The following ZNF277 variants were observed in gnomAD, a reference collection of about 807,000 sequenced individuals.
The protein encoded by ZNF277 is zinc finger protein 277.
In ZNF277, 55 loss-of-function variants were observed where a neutral mutation model predicts 60.7. That is an observed-to-expected ratio of 0.91 (90% CI 0.73 to 1.13). The LOEUF is 1.13. Ranked by LOEUF, ZNF277 falls within the 50% of genes most tolerant of loss-of-function variation. The pLI, the probability that ZNF277 is intolerant of heterozygous loss-of-function variation, is 0.00. For missense variants in ZNF277, 510 were observed against 523.0 expected (o/e 0.98, Z 0.24); for synonymous variants, 178 against 179.3 (o/e 0.99, Z 0.06).
chr7:112,286,729 C>T (rs1378273920), intron 1 of ZNF277, 144 bp from the exon 2 acceptor site: 22 of 695,472 alleles, frequency 3.2e-5, no homozygotes, highest in Admixed American at 1.2e-4. Flanking sequence ...ATCCTACTCT[C>T]CAGCACTATG....
At chr7:112,295,596 C>A (rs1295553051) in intron 2 of ZNF277, among the ~76,000 whole-genome samples, 1 of 152,012 alleles carries the variant, frequency 6.6e-6, no homozygotes, top group Non-Finnish European at 1.5e-5. Flanking sequence ...TTCATTTTAA[C>A]TTTCCTATAT....
intron 5 of ZNF277, among the ~76,000 whole-genome samples, chr7:112,322,361 GT>G (rs1247041322): frequency 6.6e-6 from 1 of 150,724 alleles, no homozygotes; most frequent in African/African-American, 2.4e-5. Context: ...TTTTTGTTTT[GT>G]TTTTTTCTTC....
chr7:112,341,995 T>G (rs1793454616), intron 11 of ZNF277, among the ~76,000 whole-genome samples: 1 of 152,208 alleles, frequency 6.6e-6, no homozygotes, highest in African/African-American at 2.4e-5. Flanking sequence ...ATTCCGTAAG[T>G]GTTTCCTTTT....
Position 112,308,530 on chromosome 7 carries a change from A to G in ZNF277, c.466-9652A>G, listed in dbSNP as rs1002069684. Among the ~76,000 whole-genome samples, 18 of 151,772 alleles carry G rather than the reference A, an allele frequency of 1.2e-4. 1 individual carries two copies. In the South Asian group the frequency reaches 3.5e-3, roughly 30 times the overall value. Reference sequence around the variant, plus strand: ...AGATTATGTCTTAAAAAAAAATTGAAAAAATTATGATCATGATATATATGA... The same window carrying G: ...AGATTATGTCTTAAAAAAAAATTGAGAAAATTATGATCATGATATATATGA... On this transcript the variant is annotated intron_variant, in intron 4 of 11. Coordinates refer to ENST00000361822, the MANE Select transcript of ZNF277 (RefSeq NM_021994.3).
At chr7:112,300,138 A>G (rs944490351) in intron 4 of ZNF277, among the ~76,000 whole-genome samples, 1 of 152,202 alleles carries the variant, frequency 6.6e-6, no homozygotes, top group Non-Finnish European at 1.5e-5. Flanking sequence ...TAGAGTTTAA[A>G]TGATTCACTG....
chr7:112,343,800 C>T lies in ZNF277; in HGVS notation c.*1071C>T, dbSNP rs1209426195. ...GATTAGCCAGGCATGGTGGAATGCA[C>T]CTATAGTCCCAGCTACTTGGGAGGC... is the stretch of plus-strand genomic sequence containing the variant. On this transcript the variant is annotated 3_prime_UTR_variant, in exon 12 of 12. Coordinates refer to ENST00000361822, the MANE Select transcript of ZNF277 (RefSeq NM_021994.3). Among the ~76,000 whole-genome samples the T allele has an allele frequency of 2.0e-5, 3 of 151,866 alleles. No homozygotes were observed. The highest frequency in any genetic ancestry group is 7.3e-5 in the African/African-American group (3 of 41,318).
intron 1 of ZNF277, among the ~76,000 whole-genome samples, chr7:112,276,637 T>C (rs184948500): frequency 5.4e-4 from 82 of 152,304 alleles, no homozygotes; most frequent in African/African-American, 1.8e-3. Flanking sequence ...CCCACTCCTA[T>C]TAATTATAGT....
rs1230530983 is a variant in ZNF277, at chr7:112,342,676, T to C, written c.1300T>C (p.Ser434Pro). The change falls in exon 12 of 12, where the codon TCT (serine) becomes CCT (proline). Residue 434 changes from serine to proline, a missense_variant. Coordinates refer to ENST00000361822, the MANE Select transcript of ZNF277 (RefSeq NM_021994.3). ...ENVPIISEDT[S>P]KLYALKQSSI... ...TGTTCCCATCATCAGTGAAGATACA[T>C]CTAAACTGTATGCTTTGAAACAAAG... is the stretch of plus-strand genomic sequence containing the variant. 6.2e-7 allele frequency: 1 copy of C among 1,611,626 alleles called. No individual in the cohort carries two copies.
In ZNF277 at chr7:112,240,341, T is replaced by A. The variant is rs566854322; in HGVS notation, c.91+33534T>A. Among the ~76,000 whole-genome samples the A allele has an allele frequency of 2.6e-5, 4 of 152,340 alleles. No individual in the cohort carries two copies. In the East Asian group the frequency reaches 5.8e-4, roughly 22 times the overall value. On this transcript the variant is annotated intron_variant, in intron 1 of 11. Transcript: ENST00000361822. ...GATACAAAAATATAGTAAGATTGAATAAGATGTAGTATTTGATAGCACAAC... is the reference window on the plus strand; with the variant it reads ...GATACAAAAATATAGTAAGATTGAAAAAGATGTAGTATTTGATAGCACAAC...
At chr7:112,207,658 C>G (rs748888371) in intron 1 of ZNF277, among the ~76,000 whole-genome samples, 2 of 152,116 alleles carry the variant, frequency 1.3e-5, no homozygotes, top group African/African-American at 2.4e-5. Context: ...CCCCCCACCC[C>G]ATTTTTGTCT....
chr7:112,296,380 GTTT>G, intron 4 of ZNF277, 69 bp downstream of exon 4: 47 of 546,902 alleles, frequency 8.6e-5, no homozygotes, highest in Non-Finnish European at 9.2e-5. Context: ...AATCATATTG[GTTT>G]TTTTTTTTTT....
intron 1 of ZNF277, among the ~76,000 whole-genome samples, chr7:112,210,804 C>T (rs1319303186): frequency 6.6e-6 from 1 of 152,164 alleles, no homozygotes; most frequent in African/African-American, 2.4e-5. Flanking sequence ...CACTGCTTTA[C>T]ATACATCTGA....
chr7:112,341,085 A>T lies in ZNF277; in HGVS notation c.1184+39A>T, dbSNP rs79403317. Reference sequence around the variant, plus strand: ...AACCAAATGTGCACTTCTTACTCCAACTCTTTGATTTTGTCCCTTTATTTA... The same window carrying T: ...AACCAAATGTGCACTTCTTACTCCATCTCTTTGATTTTGTCCCTTTATTTA... On this transcript the variant is annotated intron_variant, in intron 11 of 11. Transcript: ENST00000361822. The T allele has an allele frequency of 3.3e-6, 5 of 1,515,290 alleles. No individual in the cohort carries two copies. In the South Asian group the frequency reaches 6.9e-5, roughly 21 times the overall value. The allele number at this position is 1,515,290 out of a possible 1,614,324, so 93.9% of individuals were successfully genotyped here. A position where few individuals can be genotyped will look rare whatever the true frequency, so the allele number is the denominator to read the frequency against.
At position 112,330,304 on chromosome 7, in the gene ZNF277, T is replaced by A. The variant is rs768827520; in HGVS notation, c.801+88T>A. On this transcript the variant is annotated intron_variant, in intron 7 of 11. Transcript: ENST00000361822. ...GACCAACTAATATTTGAATAAGCAA[T>A]TATTGCAAAAGTCAAAATGTAATTG... is the stretch of plus-strand genomic sequence containing the variant. 4.4e-6 allele frequency: 6 copies of A among 1,369,820 alleles called. No individual in the cohort carries two copies. In the Admixed American group the frequency reaches 1.1e-4, roughly 24 times the overall value. The allele number at this position is 1,369,820 out of a possible 1,614,324, so 84.9% of individuals were successfully genotyped here. A position where few individuals can be genotyped will look rare whatever the true frequency, so the allele number is the denominator to read the frequency against.
chr7:112,312,050 C>T lies in ZNF277; in HGVS notation c.466-6132C>T, dbSNP rs756530967. Among the ~76,000 whole-genome samples, 4 of 152,056 alleles carry T rather than the reference C, an allele frequency of 2.6e-5. 1 individual carries two copies. Among genetic ancestry groups the T allele is most frequent in the Non-Finnish European group, 5.9e-5 (4 of 67,978 alleles). On this transcript the variant is annotated intron_variant, in intron 4 of 11. Transcript: ENST00000361822. ...AACTCCATTCAACAGTTATTGTGCA[C>T]CCTGTCTATAATGCCCAGGGGAGAT...
At chr7:112,226,467 A>G (rs1427729785) in intron 1 of ZNF277, among the ~76,000 whole-genome samples, 1 of 152,128 alleles carries the variant, frequency 6.6e-6, no homozygotes, top group Non-Finnish European at 1.5e-5. Context: ...GAGAACATTT[A>G]CTCTTCAAAT....
Position 112,297,564 on chromosome 7 carries a change from G to T in ZNF277, c.465+1253G>T, listed in dbSNP as rs143590681. 4.4e-3 allele frequency among the ~76,000 whole-genome samples: 675 copies of T among 152,264 alleles called. 4 individuals carry two copies. The highest frequency in any genetic ancestry group is 6.2e-3 in the Non-Finnish European group (423 of 68,004). On this transcript the variant is annotated intron_variant, in intron 4 of 11. Transcript: ENST00000361822. Reference sequence around the variant, plus strand: ...CAAATGATTATTTCTTCCAGTAGGGGAAGGTGATACCATTGGATGTTGATT... The same window carrying T: ...CAAATGATTATTTCTTCCAGTAGGGTAAGGTGATACCATTGGATGTTGATT...
chr7:112,297,431 A>G (rs1792381200), intron 4 of ZNF277, among the ~76,000 whole-genome samples: 1 of 152,144 alleles, frequency 6.6e-6, no homozygotes, highest in East Asian at 1.9e-4. Flanking sequence ...AATGATTTAA[A>G]TATTTGTGCT....
At chr7:112,309,078 A>T (rs768457215) in intron 4 of ZNF277, among the ~76,000 whole-genome samples, 5 of 152,014 alleles carry the variant, frequency 3.3e-5, no homozygotes, top group Non-Finnish European at 7.4e-5. Flanking sequence ...TTTACGATCT[A>T]CTTTAGGGGG....
Sources: allele counts gnomAD v4.1 joint callset (sites outside exome capture counted in the v4.1 genomes callset), GRCh38; gene constraint gnomAD v4.1.1; transcripts MANE v1.5; gene names NCBI Gene and HGNC (gene_info 2026-07-23, HGNC 2026-07-21).